ATF3: variants seen among roughly 807,000 people sequenced by gnomAD.
The protein encoded by ATF3 is cyclic AMP-dependent transcription factor ATF-3.
A neutral mutation model predicts 18.4 loss-of-function variants in ATF3; 10 were observed. That is an observed-to-expected ratio of 0.54 (90% confidence interval 0.34 to 0.92). The LOEUF is 0.92. Among genes scored for constraint, ATF3 ranks in the 40% least tolerant of loss-of-function variants. ATF3 has a pLI of 0.02. For synonymous variants in ATF3, 78 were observed against 87.9 expected, an observed-to-expected ratio of 0.89 and a Z score of 0.63; for missense variants, 183 against 222.3, an observed-to-expected ratio of 0.82 and a Z score of 1.12.
intron 1 of ATF3, among the ~76,000 whole-genome samples, chr1:212,596,675 A>C (rs1665001203): frequency 6.6e-6 from 1 of 152,196 alleles, no homozygotes; most frequent in Non-Finnish European, 1.5e-5. Flanking sequence ...CCTCTCACCC[A>C]CTGGCTCCCC....
chr1:212,568,261 T>TG (rs1257947734), intron 1 of ATF3, among the ~76,000 whole-genome samples: 2 of 152,222 alleles, frequency 1.3e-5, no homozygotes, highest in African/African-American at 4.8e-5. Context: ...ATACATAAGT[T>TG]ATTCATAAAC....
intron 1 of ATF3, among the ~76,000 whole-genome samples, chr1:212,585,467 G>C (rs1664763687): frequency 6.6e-6 from 1 of 152,240 alleles, no homozygotes; most frequent in African/African-American, 2.4e-5. Context: ...TTCACCATCA[G>C]AGGAGCTCTC....
chr1:212,569,248 C>A (rs1664437701), intron 1 of ATF3, among the ~76,000 whole-genome samples: 2 of 151,960 alleles, frequency 1.3e-5, no homozygotes, highest in Admixed American at 1.3e-4. Flanking sequence ...TGGTAAACGT[C>A]TTTCTAAAAA....
chr1:212,606,843 C>T (rs1571780182), upstream of ATF3, among the ~76,000 whole-genome samples: 1 of 152,166 alleles, frequency 6.6e-6, no homozygotes, highest in East Asian at 1.9e-4. Flanking sequence ...CCGACACGCC[C>T]GGGGTTTACC....
At chr1:212,610,117 T>A (rs536672410) in intron 1 of ATF3, among the ~76,000 whole-genome samples, 1 of 152,248 alleles carries the variant, frequency 6.6e-6, no homozygotes, top group Admixed American at 6.5e-5. Flanking sequence ...TTCTTTCCAC[T>A]GGATTCGTTC....
intron 1 of ATF3, among the ~76,000 whole-genome samples, chr1:212,589,776 G>A (rs560395368): frequency 1.5e-3 from 221 of 149,390 alleles, no homozygotes; most frequent in Middle Eastern, 0.011. Flanking sequence ...CTAATTGATC[G>A]GTCCTGATCA....
At chr1:212,569,322 C>T (rs907464648) in intron 1 of ATF3, among the ~76,000 whole-genome samples, 1 of 152,190 alleles carries the variant, frequency 6.6e-6, no homozygotes. Flanking sequence ...AGAGACTTTT[C>T]ATCATATACA....
intron 1 of ATF3, among the ~76,000 whole-genome samples, chr1:212,580,113 G>C (rs192693886): frequency 6.3e-4 from 95 of 150,896 alleles, no homozygotes; most frequent in African/African-American, 2.0e-3. Flanking sequence ...AGCCGAGATC[G>C]AGCCATTGCA....
chr1:212,612,567 CAG>C, intron 1 of ATF3, among the ~76,000 whole-genome samples: 1 of 152,318 alleles, frequency 6.6e-6, no homozygotes, highest in South Asian at 2.1e-4. Flanking sequence ...GCTAGTTTCT[CAG>C]AGTTTATTGC....
chr1:212,619,731 A>G lies in ATF3; in HGVS notation c.*176A>G. ...GCAGGCCCTTCCCATTCTGCCCCAG[A>G]GTGGGTCTTGGACCAGGGCAAGTGC... On this transcript the variant is annotated 3_prime_UTR_variant, in exon 4 of 4. Coordinates refer to ENST00000341491, the MANE Select transcript of ATF3 (RefSeq NM_001674.4). This position sits in a 1 kb window ranked among gnomAD's most constrained non-coding sequence, Gnocchi z 4.4. 1 of 836,052 alleles carries G rather than the reference A, an allele frequency of 1.2e-6. No individual in the cohort carries two copies. Among genetic ancestry groups the G allele is most frequent in the Non-Finnish European group, 1.8e-6 (1 of 551,280 alleles). 51.8% of individuals were successfully genotyped at this position (836,052 alleles called of 1,614,324 possible). A position where few individuals can be genotyped will look rare whatever the true frequency, so the allele number is the denominator to read the frequency against.
intron 1 of ATF3, among the ~76,000 whole-genome samples, chr1:212,579,043 ACT>A (rs1278935450): frequency 5.7e-4 from 69 of 122,086 alleles, no homozygotes; most frequent in African/African-American, 2.2e-3. Flanking sequence ...ACAGAGTCTC[ACT>A]CTGTTGCCCA....
At chr1:212,591,097 C>A (rs1664876248) in intron 1 of ATF3, among the ~76,000 whole-genome samples, 1 of 152,226 alleles carries the variant, frequency 6.6e-6, no homozygotes, top group Non-Finnish European at 1.5e-5. Flanking sequence ...GGACATGTGG[C>A]TGCTCTCCCT....
At chr1:212,604,927 C>T (rs545458303), upstream of ATF3, among the ~76,000 whole-genome samples, 1 of 152,254 alleles carries the variant, frequency 6.6e-6, no homozygotes, top group South Asian at 2.1e-4. Flanking sequence ...TGATGGGGAA[C>T]GAGGATGGCT....
Position 212,597,727 on chromosome 1 carries a change from G to A in ATF3, c.-4-17291G>A, listed in dbSNP as rs1001981100. Among the ~76,000 whole-genome samples, 8 of 152,146 alleles carry A rather than the reference G, an allele frequency of 5.3e-5. No individual in the cohort carries two copies. The East Asian group carries it at 5.8e-4, about 11-fold the overall frequency. On this transcript the variant is annotated intron_variant, in intron 1 of 3. Transcript: ENST00000366981. ...AGAACCAGAACTTGAACCTTGGCCC[G>A]AGTGTTGTTTCCACTTACCACAGTG...
In ATF3 at chr1:212,570,485, A is replaced by G. The variant is rs184687781; in HGVS notation, c.-5+5002A>G. ...ACTTTTTCAGGTGATGGTTGCACATATCTATGAGGATACGAAAAAACAATG... is the reference window on the plus strand; with the variant it reads ...ACTTTTTCAGGTGATGGTTGCACATGTCTATGAGGATACGAAAAAACAATG... On this transcript the variant is annotated intron_variant, in intron 1 of 3. Transcript: ENST00000366981. Among the ~76,000 whole-genome samples the G allele has an allele frequency of 1.2e-3, 185 of 152,348 alleles. 1 individual carries two copies. The highest frequency in any genetic ancestry group is 2.2e-3 in the Non-Finnish European group (150 of 68,032).
At chr1:212,602,105 A>G (rs1254066506) in intron 1 of ATF3, among the ~76,000 whole-genome samples, 1 of 152,004 alleles carries the variant, frequency 6.6e-6, no homozygotes, top group Non-Finnish European at 1.5e-5. Flanking sequence ...GACCTTCTTA[A>G]AACTAAATAA....
At chr1:212,581,556 T>A (rs916989297) in intron 1 of ATF3, among the ~76,000 whole-genome samples, 1 of 152,182 alleles carries the variant, frequency 6.6e-6, no homozygotes, top group Non-Finnish European at 1.5e-5. Flanking sequence ...CTGTTTGTGG[T>A]TCCTTAGACA....
chr1:212,580,185 A>G (rs1664656496), intron 1 of ATF3, among the ~76,000 whole-genome samples: 1 of 152,048 alleles, frequency 6.6e-6, no homozygotes, highest in African/African-American at 2.4e-5. Context: ...AAACAGTTGT[A>G]GAGTTGTTTG....
chr1:212,618,555 C>T lies in ATF3; in HGVS notation c.348+321C>T. On this transcript the variant is annotated intron_variant, in intron 3 of 3. Transcript: ENST00000341491. This position sits in a 1 kb window ranked among gnomAD's most constrained non-coding sequence, Gnocchi z 4.4. ...GCCCAGTTAAAGAGGCTTCACTTGA[C>T]TGTTTTCCTGAGAAAAGGAAGCTGC... 2.4e-6 allele frequency: 1 copy of T among 422,324 alleles called. No individual in the cohort carries two copies. The allele number at this position is 422,324 out of a possible 1,614,324, so 26.2% of individuals were successfully genotyped here. A position where few individuals can be genotyped will look rare whatever the true frequency, so the allele number is the denominator to read the frequency against.
Sources: allele counts gnomAD v4.1 joint callset (sites outside exome capture counted in the v4.1 genomes callset), GRCh38; gene constraint gnomAD v4.1.1; non-coding constraint Gnocchi (gnomAD v3.1); transcripts MANE v1.5; gene names NCBI Gene and HGNC (gene_info 2026-07-23, HGNC 2026-07-21).